The following ETNK1 variants were observed in gnomAD, a reference collection of about 807,000 sequenced individuals.
ETNK1 encodes putative protein product of Nbla10396.
ETNK1 carries 8 observed loss-of-function variants against 45.1 expected under a neutral mutation model. The ratio of observed to expected loss-of-function variants is 0.18; its 90% CI spans 0.10 to 0.32. The LOEUF (loss-of-function observed/expected upper bound fraction) is 0.32. ETNK1 is among the 10% of genes least tolerant of loss of function. The pLI, the probability that ETNK1 is intolerant of heterozygous loss-of-function variation, is 1.00. For synonymous variants in ETNK1, 152 were observed against 151.9 expected (o/e 1.00, Z -0.01); for missense variants, 302 against 430.6 (o/e 0.70, Z 2.64).
intron 6 of ETNK1, among the ~76,000 whole-genome samples, chr12:22,683,143 G>A (rs1954229107): frequency 6.6e-6 from 1 of 152,082 alleles, no homozygotes; most frequent in South Asian, 2.1e-4. Flanking sequence ...ACACGCCAGA[G>A]CCCAGCTTGT....
intron 6 of ETNK1, among the ~76,000 whole-genome samples, chr12:22,684,273 A>G (rs779522208): frequency 1.3e-4 from 20 of 152,256 alleles, no homozygotes; most frequent in Middle Eastern, 3.4e-3. Context: ...ATAATTTACC[A>G]TAATCTCCTT....
At chr12:22,662,927 A>G (rs977523877) in intron 4 of ETNK1, among the ~76,000 whole-genome samples, 1 of 152,244 alleles carries the variant, frequency 6.6e-6, no homozygotes, top group Non-Finnish European at 1.5e-5. Flanking sequence ...CACTGTCAAG[A>G]GTGGTAGGCT....
chr12:22,652,843 C>G (rs542483540), intron 2 of ETNK1, among the ~76,000 whole-genome samples: 1 of 151,948 alleles, frequency 6.6e-6, no homozygotes, highest in African/African-American at 2.4e-5. Context: ...AATTTTGATG[C>G]GGTAGAGTTT....
intron 1 of ETNK1, among the ~76,000 whole-genome samples, chr12:22,636,719 T>G (rs1231053626): frequency 1.3e-5 from 2 of 152,212 alleles, no homozygotes; most frequent in Non-Finnish European, 2.9e-5. Flanking sequence ...TGTGCAGATA[T>G]TTTTTCTTGT....
chr12:22,638,474 A>T lies in ETNK1; in HGVS notation c.157-5289A>T, dbSNP rs1463786703. 3 of 151,934 alleles carry T rather than the reference A, an allele frequency of 2.0e-5. No individual in the cohort carries two copies. In the East Asian group the frequency reaches 5.8e-4, roughly 29 times the overall value. 9.4% of individuals were successfully genotyped at this position (151,934 alleles called of 1,614,324 possible). ...ACCATATTGACCAGGCTGGTCTCGA[A>T]CTCCTGACCTCAAGTGATCCACCTG... On this transcript the variant is annotated intron_variant, in intron 1 of 7. Coordinates refer to ENST00000266517, the MANE Select transcript of ETNK1 (RefSeq NM_018638.5).
chr12:22,681,765 G>A (rs532279042), intron 6 of ETNK1, among the ~76,000 whole-genome samples: 15 of 151,922 alleles, frequency 9.9e-5, no homozygotes, highest in Non-Finnish European at 2.1e-4. Flanking sequence ...TTTAATGTCT[G>A]GTTTAATGGA....
rs777415583 is a variant in ETNK1 at position 22,625,238 on chromosome 12, T to G, written c.-193T>G. On this transcript the variant is annotated 5_prime_UTR_variant, in exon 1 of 8. Coordinates refer to ENST00000266517, the MANE Select transcript of ETNK1 (RefSeq NM_018638.5). ...GAGAGCGGGCCGGGCTCAGTTCAGC[T>G]GCTGTCCAGACCCGGATCGGCAACA... The G allele has an allele frequency of 6.2e-7, 1 of 1,611,996 alleles. No homozygotes were observed. Among genetic ancestry groups the G allele is most frequent in the Non-Finnish European group, 8.5e-7 (1 of 1,179,580 alleles).
At chr12:22,680,900 C>G (rs114055614) in intron 6 of ETNK1, among the ~76,000 whole-genome samples, 6,824 of 136,768 alleles carry the variant, frequency 0.05, 1,032 homozygotes, top group African/African-American at 0.18. Context: ...TCCCCCGCCC[C>G]CCCCTCCATT....
At chr12:22,649,330 C>A (rs1953845290) in intron 2 of ETNK1, among the ~76,000 whole-genome samples, 1 of 151,996 alleles carries the variant, frequency 6.6e-6, no homozygotes, top group Non-Finnish European at 1.5e-5. Context: ...GTTATCTTCT[C>A]ATGGAATTTT....
chr12:22,632,932 C>A (rs948821763), intron 1 of ETNK1, among the ~76,000 whole-genome samples: 16 of 152,182 alleles, frequency 1.1e-4, no homozygotes, highest in South Asian at 4.1e-4. Context: ...TAGTTCTTTT[C>A]CATGACCGAC....
chr12:22,656,731 C>T, intron 2 of ETNK1: 2 of 983,860 alleles, frequency 2.0e-6, no homozygotes, highest in Non-Finnish European at 2.4e-6. Context: ...ATCAGGGTCT[C>T]TTATAAACCC....
At position 22,671,306 on chromosome 12, in the gene ETNK1, A is replaced by C. The variant is rs766763950; in HGVS notation, c.735A>C (p.Gly245=). The C allele has an allele frequency of 1.2e-6, 2 of 1,611,302 alleles. No individual in the cohort carries two copies. The highest frequency in any genetic ancestry group is 2.2e-5 in the South Asian group (2 of 91,012). Residue 245 remains glycine, a synonymous_variant, in exon 5 of 8, where the codon GGA becomes GGC. Coordinates refer to ENST00000266517, the MANE Select transcript of ETNK1 (RefSeq NM_018638.5). ...AGTTCATTGATTATGAATATTCTGG[A>C]TACAACTACCTGGCATATGATATTG... ...DVQFIDYEYS[G]YNYLAYDIGN...
At chr12:22,646,825 T>A (rs1289690186) in intron 2 of ETNK1, among the ~76,000 whole-genome samples, 3 of 151,872 alleles carry the variant, frequency 2.0e-5, no homozygotes, top group African/African-American at 7.2e-5. Context: ...GAATCTAAAC[T>A]GTCCTTGCTG....
At chr12:22,684,428 G>C in intron 6 of ETNK1, 55 bp from the exon 7 acceptor site, 2 of 1,259,094 alleles carry the variant, frequency 1.6e-6, no homozygotes, top group Non-Finnish European at 1.1e-6. Context: ...ATTCATATGT[G>C]TTTTACAGAG....
At chr12:22,679,652 A>G (rs1197566887) in intron 6 of ETNK1, among the ~76,000 whole-genome samples, 1 of 151,156 alleles carries the variant, frequency 6.6e-6, no homozygotes, top group East Asian at 1.9e-4. Flanking sequence ...TGCATTTTAC[A>G]TATGCGATCT....
At chr12:22,678,178 C>T (rs543681355) in intron 6 of ETNK1, among the ~76,000 whole-genome samples, 1 of 152,298 alleles carries the variant, frequency 6.6e-6, no homozygotes, top group African/African-American at 2.4e-5. Context: ...TCTCGCATCT[C>T]AAGCATTTGA....
intron 2 of ETNK1, among the ~76,000 whole-genome samples, chr12:22,650,268 A>G (rs373338876): frequency 7.0e-6 from 1 of 142,404 alleles, no homozygotes; most frequent in South Asian, 2.2e-4. Context: ...CTTACCTCTT[A>G]TTTTTTTTCT....
chr12:22,673,644 T>A lies in ETNK1; in HGVS notation c.929T>A (p.Val310Asp). 1 of 1,613,218 alleles carries A rather than the reference T, an allele frequency of 6.2e-7. No individual in the cohort carries two copies. The highest frequency in any genetic ancestry group is 8.5e-7 in the Non-Finnish European group (1 of 1,179,548). The change falls in exon 6 of 8, where the codon GTC becomes GAC. Residue 310 changes from valine to aspartate, a missense_variant. Physicochemically the swap from Val to Asp is radical, Grantham distance 152. This residue lies in a region of ETNK1 where 94 missense variants were observed against 152.9 expected (regional missense o/e 0.61). Coordinates refer to ENST00000266517, the MANE Select transcript of ETNK1 (RefSeq NM_018638.5). ...EKEVEILFIQ[V>D]NQFALASHFF... ...GAGGTAGAAATACTCTTCATTCAAG[T>A]CAATCAGTTTGCATTGGTAAGTTTA...
chr12:22,675,541 A>G (rs971045765), intron 6 of ETNK1, among the ~76,000 whole-genome samples: 1 of 151,740 alleles, frequency 6.6e-6, no homozygotes, highest in South Asian at 2.1e-4. Context: ...AACTTTTTGG[A>G]GAGACAAGGT....
Sources: allele counts gnomAD v4.1 joint callset (sites outside exome capture counted in the v4.1 genomes callset), GRCh38; gene constraint gnomAD v4.1.1; regional missense constraint gnomAD v4.1.1; transcripts MANE v1.5; gene names NCBI Gene and HGNC (gene_info 2026-07-23, HGNC 2026-07-21).